CBFB: variants seen among roughly 807,000 people sequenced by gnomAD.
CBFB encodes the protein core-binding factor subunit beta.
A neutral mutation model predicts 30.4 loss-of-function variants in CBFB; 9 were observed. The ratio of observed to expected loss-of-function variants is 0.30; its 90% CI spans 0.18 to 0.52. The LOEUF is 0.52. CBFB is among the 20% of genes least tolerant of loss of function. The pLI is 0.97. For synonymous variants in CBFB, 94 were observed against 84.0 expected (o/e 1.12, Z -0.65); for missense variants, 170 against 244.0 (o/e 0.70, Z 2.02).
chr16:67,043,313 T>TA, intron 3 of CBFB, among the ~76,000 whole-genome samples: 1 of 152,350 alleles, frequency 6.6e-6, no homozygotes, highest in South Asian at 2.1e-4. Context: ...CTATATTCTC[T>TA]ATTATTTGAA....
intron 3 of CBFB, among the ~76,000 whole-genome samples, chr16:67,060,248 G>A (rs1311652479): frequency 4.6e-5 from 7 of 152,158 alleles, no homozygotes; most frequent in Non-Finnish European, 5.9e-5. Flanking sequence ...GATTACAAGC[G>A]TGAGCCACCA....
At chr16:67,072,293 T>G (rs182003955) in intron 4 of CBFB, among the ~76,000 whole-genome samples, 1 of 152,166 alleles carries the variant, frequency 6.6e-6, no homozygotes, top group East Asian at 1.9e-4. Context: ...CATGTGCACA[T>G]TACAGCAAAA....
rs970084152 is a variant in CBFB at position 67,083,365 on chromosome 16, G to A, written c.495+1057G>A. Among the ~76,000 whole-genome samples the A allele has an allele frequency of 2.1e-4, 31 of 150,270 alleles. 1 individual carries two copies. Among genetic ancestry groups the A allele is most frequent in the African/African-American group, 6.9e-4 (28 of 40,700 alleles). On this transcript the variant is annotated intron_variant, in intron 5 of 5. Transcript: ENST00000412916. ...GGCTGGAGTACAGTAGCGTGATCTCGGCTCACTGCAGCCTCTGCCTCCCAG... is the reference window on the plus strand; with the variant it reads ...GGCTGGAGTACAGTAGCGTGATCTCAGCTCACTGCAGCCTCTGCCTCCCAG...
rs533394846 is a variant in CBFB at position 67,053,322 on chromosome 16, C to T, written c.283-13360C>T. 3.3e-3 allele frequency among the ~76,000 whole-genome samples: 483 copies of T among 144,228 alleles called. 6 individuals carry two copies. The highest frequency in any genetic ancestry group is 0.016 in the South Asian group (74 of 4,572). 94.6% of individuals were successfully genotyped at this position (144,228 alleles called of 152,430 possible). A position where few individuals can be genotyped will look rare whatever the true frequency, so the allele number is the denominator to read the frequency against. Reference sequence around the variant, plus strand: ...AGGTTGGAGTGCAGTGGTGCGATCTCGGCTCACTGCAAGCTCCGCCTCCTG... The same window carrying T: ...AGGTTGGAGTGCAGTGGTGCGATCTTGGCTCACTGCAAGCTCCGCCTCCTG... On this transcript the variant is annotated intron_variant, in intron 3 of 5. Transcript: ENST00000412916.
chr16:67,082,360 T>C, intron 5 of CBFB, 52 bp downstream of exon 5: 1 of 1,598,130 alleles, frequency 6.3e-7, no homozygotes, highest in Non-Finnish European at 8.5e-7. Context: ...TCCCCCAAAC[T>C]CTCAGGCTGT....
At chr16:67,036,289 T>C (rs966162209) in intron 2 of CBFB, 1 of 176,334 alleles carries the variant, frequency 5.7e-6, no homozygotes, top group Non-Finnish European at 1.2e-5. Flanking sequence ...AGATTTTGAG[T>C]GATTTTTACA....
chr16:67,084,814 ACT>A (rs1567623092), intron 5 of CBFB, among the ~76,000 whole-genome samples: 1 of 151,798 alleles, frequency 6.6e-6, no homozygotes, highest in Non-Finnish European at 1.5e-5. Context: ...AAGAGCCCAG[ACT>A]CTACAGCCAG....
rs1041975995 is a variant in CBFB, at chr16:67,046,635, A to G, written c.282+9880A>G. On this transcript the variant is annotated intron_variant, in intron 3 of 5. Transcript: ENST00000412916. ...AGTATAACCACCACCAAAGTTCACC[A>G]TTGCTTCAAAAAGTTCCCTCATGCC... Among the ~76,000 whole-genome samples, 3 of 152,198 alleles carry G rather than the reference A, an allele frequency of 2.0e-5. No homozygotes were observed. In the East Asian group the frequency reaches 5.8e-4, roughly 29 times the overall value.
At chr16:67,085,142 TTG>T (rs774330554) in intron 5 of CBFB, among the ~76,000 whole-genome samples, 17 of 149,164 alleles carry the variant, frequency 1.1e-4, no homozygotes, top group South Asian at 4.3e-4. Context: ...ATGAAATAAA[TTG>T]TGTGTGTGTG....
intron 3 of CBFB, among the ~76,000 whole-genome samples, chr16:67,047,972 G>A (rs1380275990): frequency 6.6e-6 from 1 of 152,184 alleles, no homozygotes; most frequent in Non-Finnish European, 1.5e-5. Context: ...GGGAGGCTAA[G>A]GCAGGAGAAT....
intron 2 of CBFB, chr16:67,036,430 A>C (rs1384837312): frequency 6.0e-6 from 3 of 498,960 alleles, no homozygotes; most frequent in African/African-American, 5.7e-5. Context: ...TTTTATACTT[A>C]AGCAGCCAAT....
chr16:67,032,144 T>C (rs1386042677), intron 2 of CBFB, among the ~76,000 whole-genome samples: 5 of 152,212 alleles, frequency 3.3e-5, no homozygotes, highest in Non-Finnish European at 7.3e-5. Context: ...TGTAATATTA[T>C]AGTAGTAGTA....
chr16:67,084,995 G>GT (rs1961680833), intron 5 of CBFB, among the ~76,000 whole-genome samples: 1 of 152,170 alleles, frequency 6.6e-6, no homozygotes, highest in African/African-American at 2.4e-5. Flanking sequence ...CACTTTTAGC[G>GT]TATGTGCCAC....
rs56360240 is a variant in CBFB at position 67,066,393 on chromosome 16, C to CAAAAAAAAAAAAAAAAAAAAAAA, written c.283-272_283-271insAAAAAAAAAAAAAAAAAAAAAAA. 1.4e-4 allele frequency among the ~76,000 whole-genome samples: 13 copies of CAAAAAAAAAAAAAAAAAAAAAAA among 96,026 alleles called. 1 individual carries two copies. The highest frequency in any genetic ancestry group is 1.1e-3 in the South Asian group (3 of 2,704). The allele number at this position is 96,026 out of a possible 152,430, so 63.0% of individuals were successfully genotyped here. Reference sequence around the variant, plus strand: ...TGAAACCCCATCTCTACTAAAAATACAAAAAAAAAAAAAAAAATTAGCCAG... The same window carrying CAAAAAAAAAAAAAAAAAAAAAAA: ...TGAAACCCCATCTCTACTAAAAATACAAAAAAAAAAAAAAAAAAAAAAAAAAAAAAAAAAAAAAAATTAGCCAG... On this transcript the variant is annotated intron_variant, in intron 3 of 5. Transcript: ENST00000412916.
At chr16:67,047,230 C>A (rs116271212) in intron 3 of CBFB, among the ~76,000 whole-genome samples, 5,520 of 151,960 alleles carry the variant, frequency 0.036, 147 homozygotes, top group South Asian at 0.077. Flanking sequence ...GACTCTGTCT[C>A]AATAAATAAA....
At chr16:67,056,384 G>A (rs2145738108) in intron 3 of CBFB, among the ~76,000 whole-genome samples, 1 of 152,286 alleles carries the variant, frequency 6.6e-6, no homozygotes, top group East Asian at 1.9e-4. Context: ...ACAAAATTAT[G>A]TATTGATCAG....
chr16:67,037,666 A>ATTTTTTTTTTTTT lies in CBFB; in HGVS notation c.282+918_282+930dup, dbSNP rs35804914. Among the ~76,000 whole-genome samples, 404 of 129,208 alleles carry ATTTTTTTTTTTTT rather than the reference A, an allele frequency of 3.1e-3. 5 individuals are homozygous for ATTTTTTTTTTTTT. Among genetic ancestry groups the ATTTTTTTTTTTTT allele is most frequent in the African/African-American group, 0.012 (385 of 32,336 alleles). The allele number at this position is 129,208 out of a possible 152,430, so 84.8% of individuals were successfully genotyped here. A position where few individuals can be genotyped will look rare whatever the true frequency, so the allele number is the denominator to read the frequency against. On this transcript the variant is annotated intron_variant, in intron 3 of 5. Coordinates refer to ENST00000412916, the MANE Select transcript of CBFB (RefSeq NM_022845.3). ...CGTTAAATGTATTATGATTTTGGTA[A>ATTTTTTTTTTTTT]TTTTTTTTTTTTTTTTTTTGAGATG... is the stretch of plus-strand genomic sequence containing the variant.
At chr16:67,047,316 T>C (rs1208160487) in intron 3 of CBFB, among the ~76,000 whole-genome samples, 1 of 152,222 alleles carries the variant, frequency 6.6e-6, no homozygotes, top group Non-Finnish European at 1.5e-5. Flanking sequence ...GCAGTATTGC[T>C]GTGCTTTCAG....
chr16:67,051,739 GGTGTTTTTTTT>G (rs1032359748), intron 3 of CBFB, among the ~76,000 whole-genome samples: 4 of 150,414 alleles, frequency 2.7e-5, no homozygotes, highest in South Asian at 2.1e-4. Context: ...ATATGATTTT[GGTGTTTTTTTT>G]GTGTTTTTTT....
Sources: allele counts gnomAD v4.1 joint callset (sites outside exome capture counted in the v4.1 genomes callset), GRCh38; gene constraint gnomAD v4.1.1; transcripts MANE v1.5; gene names NCBI Gene and HGNC (gene_info 2026-07-23, HGNC 2026-07-21).